DNAH17: variants seen among roughly 807,000 people sequenced by gnomAD.
The protein encoded by DNAH17 is dynein axonemal heavy chain 17.
In DNAH17, 376 loss-of-function variants were observed where a neutral mutation model predicts 485.6. That is an observed-to-expected ratio of 0.77 (90% CI 0.71 to 0.84). The LOEUF (loss-of-function observed/expected upper bound fraction) is 0.84, where lower values mean the gene tolerates loss of function less well. Among genes scored for constraint, DNAH17 ranks in the 40% least tolerant of loss-of-function variants. The pLI, the probability that DNAH17 is intolerant of heterozygous loss-of-function variation, is 0.00. For synonymous variants in DNAH17, 3,031 were observed against 2,405.9 expected (o/e 1.26, Z -7.60); for missense variants, 6,370 against 5,839.3 (o/e 1.09, Z -2.96).
Position 78,570,289 on chromosome 17 carries a change from G to A in DNAH17, c.1002C>T (p.Ile334=). The A allele has an allele frequency of 6.3e-7, 1 of 1,599,068 alleles. No homozygotes were observed. The part of the protein sequence containing the change: ...TSEYYNTPAR[I]IVILQEFCNQ... ...TGCAGAACTCCTGCAGGATGACGAT[G>A]ATCCTGGCAGGTGTGTTATAGTACT... Residue 334 remains isoleucine, a synonymous_variant, in exon 7 of 81, where the codon ATC becomes ATT. Coordinates refer to ENST00000389840, the MANE Select transcript of DNAH17 (RefSeq NM_173628.4).
At chr17:78,509,590 TGAG>T (rs1034185068) in intron 27 of DNAH17, among the ~76,000 whole-genome samples, 29 of 152,130 alleles carry the variant, frequency 1.9e-4, no homozygotes, top group African/African-American at 6.5e-4. Flanking sequence ...CAAAACAGGC[TGAG>T]GAGAGAGATT....
rs770083699 is a variant in DNAH17, at chr17:78,455,853, G to A, written c.9978-17C>T. On this transcript the variant is annotated splice_polypyrimidine_tract_variant and intron_variant, in intron 62 of 80. Coordinates refer to ENST00000389840, the MANE Select transcript of DNAH17 (RefSeq NM_173628.4). ...CCGACCAGCCTAAAGTGGGATGAGA[G>A]AGAATAAAACATATTTGCACAAGTG... The A allele has an allele frequency of 1.3e-6, 2 of 1,573,584 alleles. No individual in the cohort carries two copies. The highest frequency in any genetic ancestry group is 8.6e-7 in the Non-Finnish European group (1 of 1,159,042).
chr17:78,501,113 G>A (rs778338973), intron 35 of DNAH17, 71 bp downstream of exon 35: 32 of 1,472,514 alleles, frequency 2.2e-5, no homozygotes, highest in Middle Eastern at 1.8e-4. Flanking sequence ...CCTCCAAGTC[G>A]GACAGTTCCA....
chr17:78,479,257 G>A (rs1598535082), intron 50 of DNAH17, 141 bp from the exon 51 acceptor site: 1 of 1,018,730 alleles, frequency 9.8e-7, no homozygotes, highest in Non-Finnish European at 1.4e-6. Context: ...GAAGTGGGAG[G>A]GAATTTGCTG....
At position 78,450,662 on chromosome 17, in the gene DNAH17, G is replaced by A. The variant is rs759862810; in HGVS notation, c.10899+20C>T. 8.7e-6 allele frequency: 14 copies of A among 1,603,116 alleles called. No individual in the cohort carries two copies. The highest frequency in any genetic ancestry group is 3.4e-5 in the Admixed American group (2 of 58,898). On this transcript the variant is annotated intron_variant, in intron 67 of 80. Coordinates refer to ENST00000389840, the MANE Select transcript of DNAH17 (RefSeq NM_173628.4). ...TCCCAAGCCCTGGCTGCCAGGGCAC[G>A]TCACCGAGGCAGCTCTGACCTTCTC... is the stretch of plus-strand genomic sequence containing the variant.
In DNAH17 at chr17:78,571,682, G is replaced by A; in HGVS notation, c.640C>T (p.Gln214Ter). The stretch of plus-strand genomic sequence containing the variant: ...GGGTGCAGCCCATCCAGCAGCGCCT[G>A]GGCTGAGTCTTTGCTCAGCACATCC... ...IRDVLSKDSA[Q>*]ALLDGLHPLP... Residue 214 changes from glutamine (Q) to a stop codon, truncating the protein, a stop_gained, in exon 4 of 81, where the codon CAG (glutamine) becomes TAG (stop). Coordinates refer to ENST00000389840, the MANE Select transcript of DNAH17 (RefSeq NM_173628.4). LOFTEE classifies it high-confidence loss of function. 6.2e-7 allele frequency: 1 copy of A among 1,614,008 alleles called. No individual in the cohort carries two copies. The highest frequency in any genetic ancestry group is 8.5e-7 in the Non-Finnish European group (1 of 1,179,894).
At chr17:78,563,044 C>G (rs76858331) in intron 11 of DNAH17, among the ~76,000 whole-genome samples, 2,034 of 152,294 alleles carry the variant, frequency 0.013, 41 homozygotes, top group African/African-American at 0.046. Flanking sequence ...ACCACTGTCC[C>G]TAGAAATGGC....
rs71161610 is a variant in DNAH17 at position 78,519,167 on chromosome 17, C to CA, written c.3865-4146dup. Among the ~76,000 whole-genome samples, 290 of 75,590 alleles carry CA rather than the reference C, an allele frequency of 3.8e-3. 11 individuals are homozygous for CA. Among genetic ancestry groups the CA allele is most frequent in the Non-Finnish European group, 4.9e-3 (207 of 42,548 alleles). The allele number at this position is 75,590 out of a possible 152,430, so 49.6% of individuals were successfully genotyped here. A position where few individuals can be genotyped will look rare whatever the true frequency, so the allele number is the denominator to read the frequency against. On this transcript the variant is annotated intron_variant, in intron 25 of 80. Transcript: ENST00000389840. ...TGGGTGAAAGAGCGAGACTCCGTCT[C>CA]AAAAAAAAAAAAAAAAAAAAAAAAA...
chr17:78,424,222 T>G (rs1033641295), intron 80 of DNAH17, 69 bp from the exon 81 acceptor site: 316 of 1,535,720 alleles, frequency 2.1e-4, no homozygotes, highest in Non-Finnish European at 2.6e-4. Flanking sequence ...GCAGGAAGGG[T>G]GGGGTCCTCA....
intron 56 of DNAH17, among the ~76,000 whole-genome samples, chr17:78,463,424 A>G (rs942766611): frequency 6.7e-6 from 1 of 149,690 alleles, no homozygotes; most frequent in Non-Finnish European, 1.5e-5. Flanking sequence ...ATACCTGCAT[A>G]TATACACGTG....
chr17:78,505,235 C>T (rs1427188492), intron 31 of DNAH17, 58 bp downstream of exon 31: 1 of 1,602,200 alleles, frequency 6.2e-7, no homozygotes, highest in Non-Finnish European at 8.5e-7. Flanking sequence ...GGCGTGTGGC[C>T]CACACGCGTG....
intron 1 of DNAH17, 114 bp from the exon 2 acceptor site, chr17:78,575,196 G>A: frequency 1.3e-6 from 1 of 766,760 alleles, no homozygotes; most frequent in East Asian, 2.7e-5. Flanking sequence ...CAAAACAGTT[G>A]GTCGAGAGTG....
At chr17:78,566,573 G>A (rs1205431468) in intron 11 of DNAH17, 41 bp downstream of exon 11, 7 of 1,394,784 alleles carry the variant, frequency 5.0e-6, no homozygotes, top group East Asian at 2.4e-5. Flanking sequence ...CCACCACAGT[G>A]CCAGGCTCCA....
intron 62 of DNAH17, among the ~76,000 whole-genome samples, chr17:78,457,810 G>C (rs1277606831): frequency 6.6e-6 from 1 of 152,018 alleles, no homozygotes; most frequent in East Asian, 1.9e-4. Context: ...ACAGGCGACT[G>C]CCACCACACC....
intron 74 of DNAH17, among the ~76,000 whole-genome samples, chr17:78,437,279 T>C (rs2086879219): frequency 6.6e-6 from 1 of 151,936 alleles, no homozygotes. Flanking sequence ...CTCCAGGGAG[T>C]ACCCCACGGA....
Position 78,560,721 on chromosome 17 carries a change from C to T in DNAH17, c.2031+19G>A. 1 of 1,537,366 alleles carries T rather than the reference C, an allele frequency of 6.5e-7. No homozygotes were observed. The highest frequency in any genetic ancestry group is 1.9e-4 in the Middle Eastern group (1 of 5,178). ...GCTCCCAAGGAGCCTTTGACGCGGT[C>T]CCCACTCCTGGCACCCACCGCTTTG... On this transcript the variant is annotated intron_variant, in intron 13 of 80. Transcript: ENST00000389840.
intron 75 of DNAH17, among the ~76,000 whole-genome samples, chr17:78,432,902 G>GGCCC (rs768290071): frequency 1.6e-5 from 1 of 61,354 alleles, no homozygotes; most frequent in Admixed American, 1.7e-4. Context: ...CTTCAAACGT[G>GGCCC]CCCCCCCCCC....
At chr17:78,501,415 A>C in intron 34 of DNAH17, 71 bp from the exon 35 acceptor site, 1 of 1,517,474 alleles carries the variant, frequency 6.6e-7, no homozygotes, top group Non-Finnish European at 8.8e-7. Flanking sequence ...GAAGGCCAGC[A>C]TGCCTCCAAG....
At position 78,569,176 on chromosome 17, in the gene DNAH17, T is replaced by C. The variant is rs765866807; in HGVS notation, c.1274A>G (p.Gln425Arg). 9.4e-5 allele frequency: 150 copies of C among 1,603,066 alleles called. 1 individual carries two copies. The East Asian group carries it at 3.3e-3, about 35-fold the overall frequency. The part of the protein sequence containing the change: ...SRINSFFQRI[Q>R]TIEELYKTAI... Reference sequence around the variant, plus strand: ...GAGTTCTGTTTTTACCTCAATGGTCTGGATGCGCTGGAAGAAGGAATTTAT... The same window carrying C: ...GAGTTCTGTTTTTACCTCAATGGTCCGGATGCGCTGGAAGAAGGAATTTAT... Residue 425 changes from glutamine to arginine, a missense_variant, in exon 9 of 81, where the codon CAG becomes CGG. Transcript: ENST00000389840.
Sources: allele counts gnomAD v4.1 joint callset (sites outside exome capture counted in the v4.1 genomes callset), GRCh38; gene constraint gnomAD v4.1.1; transcripts MANE v1.5; gene names NCBI Gene and HGNC (gene_info 2026-07-23, HGNC 2026-07-21).